RTTN: variants seen among roughly 807,000 people sequenced by gnomAD.
The protein encoded by RTTN is rotatin.
In RTTN, 182 loss-of-function variants were observed where a neutral mutation model predicts 269.2. The observed-to-expected ratio is 0.68, with a 90% CI of 0.60 to 0.76. RTTN has a LOEUF of 0.76. Among genes scored for constraint, RTTN ranks in the 30% least tolerant of loss-of-function variants. The pLI is 0.00. For missense variants in RTTN, 2,545 were observed against 2,608.6 expected (o/e 0.98, Z 0.53); for synonymous variants, 1,006 against 963.5 (o/e 1.04, Z -0.82).
chr18:70,088,125 A>G lies in RTTN; in HGVS notation c.4166T>C (p.Leu1389Ser). ...DPEVRFTSLG[L>S]GSALTTLETG... The stretch of plus-strand genomic sequence containing the variant: ...TTCAAGGGTGGTCAGTGCTGATCCT[A>G]ATCCCAGTGAAGTGAATCTCACCTG... Residue 1389 changes from leucine to serine, a missense_variant, in exon 31 of 49, where the codon TTA becomes TCA. Physicochemically the swap from Leu to Ser is moderately radical, Grantham distance 145. Coordinates refer to ENST00000640769, the MANE Select transcript of RTTN (RefSeq NM_173630.4). The G allele has an allele frequency of 6.2e-7, 1 of 1,612,088 alleles. No homozygotes were observed. Among genetic ancestry groups the G allele is most frequent in the East Asian group, 2.2e-5 (1 of 44,836 alleles).
At chr18:70,051,933 T>A (rs1422345332) in intron 38 of RTTN, among the ~76,000 whole-genome samples, 1 of 152,190 alleles carries the variant, frequency 6.6e-6, no homozygotes, top group Non-Finnish European at 1.5e-5. Context: ...CCTATTTCCT[T>A]TATCCCCTCC....
intron 14 of RTTN, among the ~76,000 whole-genome samples, chr18:70,158,698 C>T (rs181426568): frequency 2.5e-4 from 38 of 152,228 alleles, no homozygotes; most frequent in Non-Finnish European, 4.1e-4. Context: ...TCAAGAGACC[C>T]AACTCACATG....
At chr18:70,157,539 C>A (rs916855249) in intron 14 of RTTN, among the ~76,000 whole-genome samples, 1 of 152,208 alleles carries the variant, frequency 6.6e-6, no homozygotes, top group East Asian at 1.9e-4. Flanking sequence ...TGTAAGAATT[C>A]TGGCAATTCT....
chr18:70,140,687 C>T (rs1360287284), intron 19 of RTTN, among the ~76,000 whole-genome samples: 1 of 151,836 alleles, frequency 6.6e-6, no homozygotes, highest in South Asian at 2.1e-4. Flanking sequence ...GATTATAATA[C>T]ACTATATATT....
At chr18:70,184,716 T>TTTTTTTTTTTTTTTTTTG (rs59000945) in intron 10 of RTTN, among the ~76,000 whole-genome samples, 2 of 33,426 alleles carry the variant, frequency 6.0e-5, no homozygotes, top group African/African-American at 1.3e-4. Context: ...TTTTTTTTTT[T>TTTTTTTTTTTTTTTTTTG]TGTGTGTGTG....
At chr18:70,017,799 A>G in intron 45 of RTTN, 125 bp from the exon 46 acceptor site, 1 of 734,144 alleles carries the variant, frequency 1.4e-6, no homozygotes, top group Non-Finnish European at 2.2e-6. Context: ...CCTTTCTAAT[A>G]GCTTCTGAAT....
At chr18:70,137,368 T>C (rs1033747359) in intron 21 of RTTN, among the ~76,000 whole-genome samples, 2 of 152,186 alleles carry the variant, frequency 1.3e-5, no homozygotes, top group African/African-American at 4.8e-5. Flanking sequence ...ACTATAGAAT[T>C]CTGTCATAAC....
chr18:70,049,569 T>C (rs1277733958), intron 39 of RTTN, among the ~76,000 whole-genome samples: 1 of 152,140 alleles, frequency 6.6e-6, no homozygotes, highest in African/African-American at 2.4e-5. Context: ...GTTTACTGAA[T>C]GATCAAATGA....
chr18:70,196,587 G>T lies in RTTN; in HGVS notation c.755C>A (p.Ser252Ter). ...GDGKHRLALQ[S>*]VSCLQQLCMY... ...GCACAGCTGCTGCAGGCAGGACACCGACTGTAATGCCAGGCGATGCTTTCC... is the reference window on the plus strand; with the variant it reads ...GCACAGCTGCTGCAGGCAGGACACCTACTGTAATGCCAGGCGATGCTTTCC... Residue 252 changes from serine (S) to a stop codon, truncating the protein, a stop_gained, in exon 7 of 49, where the codon TCG (serine) becomes TAG (stop). Coordinates refer to ENST00000640769, the MANE Select transcript of RTTN (RefSeq NM_173630.4). LOFTEE classifies it high-confidence loss of function. 1 of 1,595,354 alleles carries T rather than the reference G, an allele frequency of 6.3e-7. No homozygotes were observed. Among genetic ancestry groups the T allele is most frequent in the Non-Finnish European group, 8.5e-7 (1 of 1,174,040 alleles).
intron 34 of RTTN, among the ~76,000 whole-genome samples, chr18:70,066,318 A>G (rs971774337): frequency 6.6e-6 from 1 of 152,244 alleles, no homozygotes; most frequent in Non-Finnish European, 1.5e-5. Flanking sequence ...CAAATGGCAC[A>G]TATAAATTTT....
At chr18:70,193,229 A>AAC (rs977338941) in intron 8 of RTTN, 59 bp downstream of exon 8, 10 of 1,442,870 alleles carry the variant, frequency 6.9e-6, no homozygotes, top group Middle Eastern at 1.8e-4. Context: ...TTCTGAAATT[A>AAC]ACACACACAC....
intron 8 of RTTN, among the ~76,000 whole-genome samples, chr18:70,192,461 A>G (rs2061694853): frequency 6.6e-6 from 1 of 152,122 alleles, no homozygotes; most frequent in Non-Finnish European, 1.5e-5. Context: ...TGGGAAGATC[A>G]CTTGAGCCCA....
chr18:70,151,633 G>A (rs550347625), intron 14 of RTTN, among the ~76,000 whole-genome samples: 13 of 151,906 alleles, frequency 8.6e-5, no homozygotes, highest in African/African-American at 3.1e-4. Flanking sequence ...CAGCAACTTC[G>A]TTCATATTAC....
chr18:70,104,525 T>C (rs2059268178), intron 28 of RTTN, among the ~76,000 whole-genome samples: 1 of 152,228 alleles, frequency 6.6e-6, no homozygotes, highest in Non-Finnish European at 1.5e-5. Flanking sequence ...TCCAGCTTTG[T>C]TCCGTTGCTG....
At chr18:70,097,125 T>C (rs2059023802) in intron 28 of RTTN, among the ~76,000 whole-genome samples, 1 of 152,234 alleles carries the variant, frequency 6.6e-6, no homozygotes, top group Non-Finnish European at 1.5e-5. Context: ...GAATTATACA[T>C]CATGTATCTG....
In RTTN at chr18:70,127,583, T is replaced by C. The variant is rs1344519414; in HGVS notation, c.3302A>G (p.Asn1101Ser). The C allele has an allele frequency of 1.2e-6, 2 of 1,613,412 alleles. No homozygotes were observed. The highest frequency in any genetic ancestry group is 1.3e-5 in the African/African-American group (1 of 74,876). ...GCAACCCTTTAAAGACAATCTGTCA[T>C]TCAGAAGATAAAAACTCATCCTGGT... ...AVTRMSFYLL[N>S]DRLSLKGCPG... Residue 1101 changes from asparagine to serine, a missense_variant, in exon 25 of 49, where the codon AAT becomes AGT. Physicochemically the swap from Asn to Ser is conservative, Grantham distance 46 (BLOSUM62 1). Transcript: ENST00000640769.
At chr18:70,043,938 C>T (rs898320280) in intron 40 of RTTN, among the ~76,000 whole-genome samples, 2 of 152,180 alleles carry the variant, frequency 1.3e-5, no homozygotes, top group African/African-American at 4.8e-5. Context: ...AGAATAAACT[C>T]AAGCAACAGA....
chr18:70,138,763 A>G (rs1381170202), intron 21 of RTTN: 1 of 152,194 alleles, frequency 6.6e-6, no homozygotes. Flanking sequence ...GCAGAAGCCA[A>G]CAGGAGGAAA....
At chr18:70,124,918 A>G (rs1476195847) in intron 25 of RTTN, among the ~76,000 whole-genome samples, 1 of 152,072 alleles carries the variant, frequency 6.6e-6, no homozygotes, top group Non-Finnish European at 1.5e-5. Flanking sequence ...GAGAGGCATT[A>G]AACATGCAAA....
Sources: gnomAD v4.1 joint callset for allele counts (sites outside exome capture counted in the v4.1 genomes callset) on GRCh38, gnomAD v4.1.1 for gene constraint, MANE v1.5 for transcripts, NCBI Gene and HGNC (gene_info 2026-07-23, HGNC 2026-07-21) for gene names.